Variants in NTAQ1 observed in about 807,000 individuals in gnomAD.
The protein encoded by NTAQ1 is N-terminal glutamine amidase 1, also known as protein N-terminal glutamine amidohydrolase.
A neutral mutation model predicts 28.2 loss-of-function variants in NTAQ1; 21 were observed. The ratio of observed to expected loss-of-function variants is 0.74; its 90% CI spans 0.53 to 1.07. The LOEUF (loss-of-function observed/expected upper bound fraction) is 1.07. NTAQ1 is among the 50% of genes least tolerant of loss of function. The probability of loss-of-function intolerance (pLI) is 0.00; values close to 1 mark genes in which losing one functional copy is unlikely to be tolerated. For missense variants in NTAQ1, 264 were observed against 256.6 expected (o/e 1.03, Z -0.20); for synonymous variants, 105 against 90.0 (o/e 1.17, Z -0.94).
At chr8:123,471,973 T>A (rs1563910770), downstream of NTAQ1, among the ~76,000 whole-genome samples, 1 of 152,206 alleles carries the variant, frequency 6.6e-6, no homozygotes, top group Non-Finnish European at 1.5e-5. Context: ...AAAGTAATAA[T>A]CATGCCTAGA....
At chr8:123,426,171 C>T (rs907991860) in intron 1 of NTAQ1, among the ~76,000 whole-genome samples, 1 of 152,154 alleles carries the variant, frequency 6.6e-6, no homozygotes, top group African/African-American at 2.4e-5. Context: ...GAGTACTGCC[C>T]GAAGTGACTG....
chr8:123,428,099 G>A, intron 2 of NTAQ1, 76 bp downstream of exon 2: 7 of 815,726 alleles, frequency 8.6e-6, no homozygotes, highest in Non-Finnish European at 1.3e-5. Flanking sequence ...AAAAAAAAAA[G>A]CTAAATATAG....
downstream of NTAQ1, among the ~76,000 whole-genome samples, chr8:123,448,763 T>C (rs376324846): frequency 2.0e-5 from 3 of 152,328 alleles, no homozygotes; most frequent in African/African-American, 7.2e-5. Context: ...GTCCTGTTGT[T>C]TTGCATGAGG....
downstream of NTAQ1, among the ~76,000 whole-genome samples, chr8:123,473,721 GGTAA>G (rs1416652213): frequency 6.6e-6 from 1 of 152,034 alleles, no homozygotes; most frequent in Non-Finnish European, 1.5e-5. Flanking sequence ...TCTTTCAAGC[GGTAA>G]GTAATTTACT....
intron 5 of NTAQ1, among the ~76,000 whole-genome samples, chr8:123,438,979 T>C (rs1301375439): frequency 6.6e-6 from 1 of 152,152 alleles, no homozygotes; most frequent in Non-Finnish European, 1.5e-5. Context: ...CTTTAGCAGC[T>C]ACCTGTTTCC....
At chr8:123,438,123 T>C in intron 5 of NTAQ1, 1 of 700,452 alleles carries the variant, frequency 1.4e-6, no homozygotes, top group Non-Finnish European at 2.6e-6. Flanking sequence ...GTCTCATTTA[T>C]GTGCTTTTAG....
At chr8:123,470,102 A>G (rs893510201), downstream of NTAQ1, among the ~76,000 whole-genome samples, 11 of 152,216 alleles carry the variant, frequency 7.2e-5, no homozygotes, top group African/African-American at 2.7e-4. Context: ...TTTTTCTGCC[A>G]CATGAGGACA....
At chr8:123,443,583 T>A (rs1815160330), downstream of NTAQ1, among the ~76,000 whole-genome samples, 1 of 152,176 alleles carries the variant, frequency 6.6e-6, no homozygotes, top group African/African-American at 2.4e-5. Flanking sequence ...CAAGCCCACC[T>A]TTTTTGTTTT....
chr8:123,449,983 A>ATATATATATATATAT (rs1815441935), downstream of NTAQ1, among the ~76,000 whole-genome samples: 1 of 119,422 alleles, frequency 8.4e-6, no homozygotes, highest in Non-Finnish European at 1.7e-5. Context: ...ATGCTGGATA[A>ATATATATATATATAT]AGGGGTCCCA....
chr8:123,444,698 A>G (rs1381248652), downstream of NTAQ1, among the ~76,000 whole-genome samples: 1 of 152,054 alleles, frequency 6.6e-6, no homozygotes, highest in Non-Finnish European at 1.5e-5. Flanking sequence ...TTTAGTGGAG[A>G]CGGGGTTTCA....
chr8:123,461,334 C>G (rs903637441), intron 6 of NTAQ1, among the ~76,000 whole-genome samples: 3 of 152,188 alleles, frequency 2.0e-5, no homozygotes, highest in African/African-American at 7.2e-5. Flanking sequence ...TTCCTTGACT[C>G]ACGTCCCCAC....
At chr8:123,451,887 A>G (rs903117785), downstream of NTAQ1, among the ~76,000 whole-genome samples, 5 of 152,166 alleles carry the variant, frequency 3.3e-5, no homozygotes, top group Non-Finnish European at 5.9e-5. Flanking sequence ...ATTCCCGTTG[A>G]CTAGATTCTA....
intron 3 of NTAQ1, among the ~76,000 whole-genome samples, chr8:123,432,804 C>A (rs1260160692): frequency 6.6e-6 from 1 of 151,880 alleles, no homozygotes; most frequent in African/African-American, 2.4e-5. Flanking sequence ...CCTCAGCCTC[C>A]CGAGTAGCTG....
At chr8:123,431,772 G>A (rs1020142687) in intron 3 of NTAQ1, among the ~76,000 whole-genome samples, 5 of 152,206 alleles carry the variant, frequency 3.3e-5, no homozygotes, top group Non-Finnish European at 7.3e-5. Context: ...GGGGTCGTGA[G>A]GCTTAAATGA....
chr8:123,455,777 T>C (rs1329979937), intron 6 of NTAQ1, among the ~76,000 whole-genome samples: 4 of 152,160 alleles, frequency 2.6e-5, no homozygotes, highest in Non-Finnish European at 5.9e-5. Flanking sequence ...CCCGGAAGTC[T>C]ACTGCAGGTG....
chr8:123,456,923 C>T (rs1815665630), intron 6 of NTAQ1, among the ~76,000 whole-genome samples: 1 of 152,106 alleles, frequency 6.6e-6, no homozygotes, highest in Admixed American at 6.6e-5. Flanking sequence ...ATGGTGGATA[C>T]ACGAGGAAAC....
chr8:123,436,985 C>T (rs1280509297), intron 4 of NTAQ1, among the ~76,000 whole-genome samples: 4 of 152,050 alleles, frequency 2.6e-5, no homozygotes, highest in South Asian at 2.1e-4. Context: ...TCGAGTAAAT[C>T]GAGGCAACCA....
chr8:123,422,823 G>C (rs1207500157), intron 1 of NTAQ1, among the ~76,000 whole-genome samples: 1 of 151,994 alleles, frequency 6.6e-6, no homozygotes, highest in South Asian at 2.1e-4. Context: ...TTTTGTATAT[G>C]GTGAAAGGGA....
At chr8:123,460,766 GT>G (rs1253392204) in intron 6 of NTAQ1, among the ~76,000 whole-genome samples, 4 of 152,234 alleles carry the variant, frequency 2.6e-5, no homozygotes, top group African/African-American at 9.6e-5. Context: ...GTGGCAGGGG[GT>G]TGGGAGTGAA....
Sources: gnomAD v4.1 joint callset for allele counts (sites outside exome capture counted in the v4.1 genomes callset) on GRCh38, gnomAD v4.1.1 for gene constraint, MANE v1.5 for transcripts, NCBI Gene and HGNC (gene_info 2026-07-23, HGNC 2026-07-21) for gene names.